The following CNTN4 variants were observed in gnomAD, a reference collection of about 807,000 sequenced individuals.
CNTN4 encodes contactin 4.
In CNTN4, 77 loss-of-function variants were observed where a neutral mutation model predicts 122.5. The observed-to-expected ratio is 0.63, with a 90% CI of 0.52 to 0.76. CNTN4 has a LOEUF of 0.76. Ranked by LOEUF, CNTN4 falls within the 30% of genes least tolerant of loss-of-function variation. The probability of loss-of-function intolerance (pLI) is 0.00; values close to 1 mark genes in which losing one functional copy is unlikely to be tolerated. For synonymous variants in CNTN4, 512 were observed against 447.0 expected, an observed-to-expected ratio of 1.15 and a Z score of -1.83; for missense variants, 1,256 against 1,259.1, an observed-to-expected ratio of 1.00 and a Z score of 0.04.
At chr3:2,890,726 T>A (rs962745044) in intron 10 of CNTN4, among the ~76,000 whole-genome samples, 2 of 152,226 alleles carry the variant, frequency 1.3e-5, no homozygotes, top group East Asian at 3.8e-4. Context: ...ACTGTAGCCA[T>A]GTCTTTAAGT....
intron 2 of CNTN4, among the ~76,000 whole-genome samples, chr3:2,269,822 A>C (rs1020334282): frequency 2.6e-5 from 4 of 152,270 alleles, no homozygotes; most frequent in Non-Finnish European, 4.4e-5. Context: ...TGTAGATGGA[A>C]AGATAGTTTG....
chr3:2,858,803 A>T (rs556991608), intron 7 of CNTN4, among the ~76,000 whole-genome samples: 1 of 152,350 alleles, frequency 6.6e-6, no homozygotes, highest in African/African-American at 2.4e-5. Flanking sequence ...ACAAATAAAC[A>T]TTGCATATAT....
rs576776804 is a variant in CNTN4 at position 2,447,016 on chromosome 3, G to A, written c.-89+107783G>A. The stretch of plus-strand genomic sequence containing the variant: ...CGGCAAAGTTGCTTATGCAACAAAA[G>A]ACATGTCATATTTTATCTTTCAATT... On this transcript the variant is annotated intron_variant, in intron 3 of 24. Coordinates refer to ENST00000418658, the MANE Select transcript of CNTN4 (RefSeq NM_175607.3). Among the ~76,000 whole-genome samples, 15 of 152,234 alleles carry A rather than the reference G, an allele frequency of 9.9e-5. No homozygotes were observed. In the East Asian group the frequency reaches 1.7e-3, roughly 18 times the overall value.
chr3:2,185,470 A>T (rs954399246), intron 2 of CNTN4, among the ~76,000 whole-genome samples: 14 of 152,038 alleles, frequency 9.2e-5, no homozygotes, highest in Admixed American at 9.2e-4. Flanking sequence ...AACTTAGGGG[A>T]TTCGAGCTCT....
chr3:2,321,979 A>G (rs1379191451), intron 2 of CNTN4, among the ~76,000 whole-genome samples: 1 of 152,196 alleles, frequency 6.6e-6, no homozygotes, highest in Non-Finnish European at 1.5e-5. Flanking sequence ...AAACAGAGGA[A>G]AGAACATTAC....
Position 2,961,093 on chromosome 3 carries a change from G to A in CNTN4, c.1359-27252G>A, listed in dbSNP as rs371136807. Among the ~76,000 whole-genome samples, 112 of 143,910 alleles carry A rather than the reference G, an allele frequency of 7.8e-4. No homozygotes were observed. In the South Asian group the frequency reaches 8.0e-3, roughly 10 times the overall value. The allele number at this position is 143,910 out of a possible 152,430, so 94.4% of individuals were successfully genotyped here. ...AAAATACAAAAAATTAGCCGGGCGTGGTGATGGGCGCCTGTAGTCCCAGCT... is the reference window on the plus strand; with the variant it reads ...AAAATACAAAAAATTAGCCGGGCGTAGTGATGGGCGCCTGTAGTCCCAGCT... On this transcript the variant is annotated intron_variant, in intron 13 of 24. Transcript: ENST00000418658.
chr3:2,617,630 C>T (rs745868627), intron 4 of CNTN4, among the ~76,000 whole-genome samples: 5 of 151,818 alleles, frequency 3.3e-5, no homozygotes, highest in Non-Finnish European at 7.4e-5. Flanking sequence ...ACAATGTTGG[C>T]CATGATGGTC....
rs984403723 is a variant in CNTN4, at chr3:2,704,183, A to C, written c.56-32032A>C. Among the ~76,000 whole-genome samples, 3 of 150,418 alleles carry C rather than the reference A, an allele frequency of 2.0e-5. No homozygotes were observed. In the East Asian group the frequency reaches 6.0e-4, roughly 30 times the overall value. The stretch of plus-strand genomic sequence containing the variant: ...GTGGTGGCATACACCTGTAGTCCCC[A>C]GTACTCGGGAGGCTGAGGCAGGAGA... On this transcript the variant is annotated intron_variant, in intron 4 of 24. Transcript: ENST00000418658.
chr3:2,135,229 C>T (rs1354837609), intron 2 of CNTN4, among the ~76,000 whole-genome samples: 1 of 151,960 alleles, frequency 6.6e-6, no homozygotes. Flanking sequence ...GAGGAGAGGG[C>T]ATGAACATAG....
intron 4 of CNTN4, among the ~76,000 whole-genome samples, chr3:2,635,958 C>A (rs2082641243): frequency 6.6e-6 from 1 of 152,200 alleles, no homozygotes; most frequent in Non-Finnish European, 1.5e-5. Flanking sequence ...TGTGGACCAA[C>A]TTCTCTTCCT....
chr3:2,711,975 A>G (rs1317171411), intron 4 of CNTN4, among the ~76,000 whole-genome samples: 1 of 152,198 alleles, frequency 6.6e-6, no homozygotes, highest in Non-Finnish European at 1.5e-5. Context: ...AGACTTTTTA[A>G]AAAATGTTAT....
chr3:2,191,943 T>C lies in CNTN4; in HGVS notation c.-145+91304T>C, dbSNP rs528893773. ...CCCTTCCTGTGTCCAAGTGTTCTCA[T>C]TGTTCAGTTCCCACCTATGAGTGAG... On this transcript the variant is annotated intron_variant, in intron 2 of 24. Coordinates refer to ENST00000418658, the MANE Select transcript of CNTN4 (RefSeq NM_175607.3). Among the ~76,000 whole-genome samples the C allele has an allele frequency of 2.0e-5, 3 of 152,034 alleles. No homozygotes were observed. The South Asian group carries it at 6.3e-4, about 32-fold the overall frequency.
intron 4 of CNTN4, among the ~76,000 whole-genome samples, chr3:2,725,137 A>G (rs1265748794): frequency 3.3e-5 from 5 of 152,298 alleles, no homozygotes; most frequent in East Asian, 1.9e-4. Context: ...CATTTCCAGC[A>G]TTTGATTTCA....
intron 4 of CNTN4, among the ~76,000 whole-genome samples, chr3:2,575,542 G>A (rs891555876): frequency 2.6e-5 from 4 of 151,944 alleles, no homozygotes; most frequent in Non-Finnish European, 5.9e-5. Flanking sequence ...AAATGATACC[G>A]CATACACTTA....
At chr3:2,680,578 A>G (rs184658843) in intron 4 of CNTN4, among the ~76,000 whole-genome samples, 1 of 152,278 alleles carries the variant, frequency 6.6e-6, no homozygotes, top group East Asian at 1.9e-4. Context: ...TATATTCAAA[A>G]TTGTTTCTCA....
chr3:2,207,123 A>G (rs1343193790), intron 2 of CNTN4, among the ~76,000 whole-genome samples: 1 of 151,998 alleles, frequency 6.6e-6, no homozygotes, highest in African/African-American at 2.4e-5. Flanking sequence ...AAGATGGTGA[A>G]CTTAATTGAT....
At chr3:2,181,223 A>G (rs983593656) in intron 2 of CNTN4, among the ~76,000 whole-genome samples, 1 of 152,106 alleles carries the variant, frequency 6.6e-6, no homozygotes, top group Middle Eastern at 3.2e-3. Flanking sequence ...ATAAAAGCAC[A>G]ATTCCTTAAA....
chr3:2,179,167 G>T (rs1346786727), intron 2 of CNTN4, among the ~76,000 whole-genome samples: 1 of 152,008 alleles, frequency 6.6e-6, no homozygotes, highest in African/African-American at 2.4e-5. Context: ...CGCTGGTGTG[G>T]TAATTATGTT....
intron 3 of CNTN4, among the ~76,000 whole-genome samples, chr3:2,479,825 C>G (rs552182941): frequency 1.3e-5 from 2 of 152,250 alleles, no homozygotes; most frequent in East Asian, 1.9e-4. Flanking sequence ...GAAAATAAAA[C>G]TACAAACAGA....
Sources: allele counts gnomAD v4.1 joint callset (sites outside exome capture counted in the v4.1 genomes callset), GRCh38; gene constraint gnomAD v4.1.1; transcripts MANE v1.5; gene names NCBI Gene and HGNC (gene_info 2026-07-23, HGNC 2026-07-21).